The following TSHZ2 variants were observed in gnomAD, a reference collection of about 807,000 sequenced individuals.
The protein encoded by TSHZ2 is teashirt zinc finger homeobox 2.
Under a neutral mutation model 74.4 loss-of-function variants are expected in TSHZ2, and 21 were observed. That is an observed-to-expected ratio of 0.28 (90% CI 0.20 to 0.41). The LOEUF (loss-of-function observed/expected upper bound fraction) is 0.41. TSHZ2 is among the 10% of genes least tolerant of loss of function. The pLI, the probability that TSHZ2 is intolerant of heterozygous loss-of-function variation, is 1.00. For synonymous variants in TSHZ2, 540 were observed against 515.3 expected (o/e 1.05, Z -0.65); for missense variants, 1,244 against 1,293.5 (o/e 0.96, Z 0.59).
At chr20:53,350,416 T>C (rs943709978) in intron 2 of TSHZ2, among the ~76,000 whole-genome samples, 1 of 152,256 alleles carries the variant, frequency 6.6e-6, no homozygotes, top group Non-Finnish European at 1.5e-5. Flanking sequence ...CCTGTAGTTC[T>C]CTTCCTCAGT....
intron 1 of TSHZ2, chr20:53,208,694 C>T (rs899645307): frequency 1.3e-5 from 2 of 152,150 alleles, no homozygotes; most frequent in Admixed American, 1.3e-4. Context: ...ATTTTACAGT[C>T]GAGAAAATGA....
intron 2 of TSHZ2, among the ~76,000 whole-genome samples, chr20:53,393,260 T>C (rs1037371003): frequency 2.0e-5 from 3 of 152,236 alleles, no homozygotes; most frequent in Non-Finnish European, 4.4e-5. Flanking sequence ...GAACATGCAG[T>C]ATTTGGTTCC....
intron 1 of TSHZ2, among the ~76,000 whole-genome samples, chr20:53,096,927 CAAAAACA>C (rs572772850): frequency 0.017 from 2,327 of 134,848 alleles, 53 homozygotes; most frequent in African/African-American, 0.054. Flanking sequence ...AAAAACAAAA[CAAAAACA>C]AAAAACAAAA....
chr20:53,111,317 A>C (rs1245128285), intron 1 of TSHZ2, among the ~76,000 whole-genome samples: 1 of 152,218 alleles, frequency 6.6e-6, no homozygotes, highest in Non-Finnish European at 1.5e-5. Context: ...ACAATTCATC[A>C]CTGAGATTAT....
At chr20:53,372,761 G>A (rs1340056519) in intron 2 of TSHZ2, among the ~76,000 whole-genome samples, 1 of 152,046 alleles carries the variant, frequency 6.6e-6, no homozygotes, top group African/African-American at 2.4e-5. Context: ...AATGGTTTAG[G>A]GAGGAAAAAA....
At chr20:53,369,516 G>A (rs567427976) in intron 2 of TSHZ2, among the ~76,000 whole-genome samples, 1 of 152,172 alleles carries the variant, frequency 6.6e-6, no homozygotes, top group African/African-American at 2.4e-5. Flanking sequence ...AGACCAGCCG[G>A]GCCAGCATGG....
At position 53,255,108 on chromosome 20, in the gene TSHZ2, G is replaced by C; in HGVS notation, c.1650G>C (p.Leu550=). 3 of 1,614,160 alleles carry C rather than the reference G, an allele frequency of 1.9e-6. No individual in the cohort carries two copies. Among genetic ancestry groups the C allele is most frequent in the Admixed American group, 3.3e-5 (2 of 60,030 alleles). Residue 550 remains leucine, a synonymous_variant, in exon 2 of 3, where the codon CTG becomes CTC. Coordinates refer to ENST00000371497, the MANE Select transcript of TSHZ2 (RefSeq NM_173485.6). This position sits in a 1 kb window ranked among gnomAD's most constrained non-coding sequence, Gnocchi z 4.1. The stretch of plus-strand genomic sequence containing the variant: ...CCAGCATCCACGCAGCCTACCAGCT[G>C]TCTGAGGGCACCAAGCCGCCTTTGC... ...AYPSIHAAYQ[L]SEGTKPPLPM... is the part of the protein sequence containing the mutation.
At chr20:53,453,172 C>T (rs989239437) in intron 2 of TSHZ2, 7 of 152,182 alleles carry the variant, frequency 4.6e-5, no homozygotes, top group Non-Finnish European at 8.8e-5. Flanking sequence ...TGAATGAATT[C>T]GCCTTTGGTT....
At chr20:53,195,163 C>T (rs972412327) in intron 1 of TSHZ2, among the ~76,000 whole-genome samples, 3 of 152,134 alleles carry the variant, frequency 2.0e-5, no homozygotes, top group Non-Finnish European at 4.4e-5. Context: ...AGACATGGCA[C>T]ACCTGGTAGA....
intron 1 of TSHZ2, among the ~76,000 whole-genome samples, chr20:53,085,830 C>G (rs1168543939): frequency 6.6e-6 from 1 of 152,176 alleles, no homozygotes; most frequent in Admixed American, 6.5e-5. Context: ...CCTCAAATTC[C>G]CCCTGAAGTA....
intron 2 of TSHZ2, among the ~76,000 whole-genome samples, chr20:53,472,418 A>C (rs1476200096): frequency 6.6e-6 from 1 of 152,142 alleles, no homozygotes; most frequent in African/African-American, 2.4e-5. Flanking sequence ...GAGTCATATG[A>C]GTTCCATTTC....
intron 1 of TSHZ2, among the ~76,000 whole-genome samples, chr20:53,180,859 G>A (rs1988450977): frequency 6.6e-6 from 1 of 152,154 alleles, no homozygotes; most frequent in Non-Finnish European, 1.5e-5. Context: ...CAGACATGTG[G>A]CTCCTAGGAA....
intron 2 of TSHZ2, among the ~76,000 whole-genome samples, chr20:53,422,246 C>T (rs1371928517): frequency 6.6e-6 from 1 of 152,154 alleles, no homozygotes; most frequent in African/African-American, 2.4e-5. Flanking sequence ...TGCATGCTGA[C>T]CCTTCCCTTG....
chr20:53,183,187 C>T (rs1284303581), intron 1 of TSHZ2, among the ~76,000 whole-genome samples: 1 of 152,206 alleles, frequency 6.6e-6, no homozygotes, highest in Non-Finnish European at 1.5e-5. Context: ...CATTCCCACC[C>T]TGTGCTGATG....
intron 1 of TSHZ2, among the ~76,000 whole-genome samples, chr20:52,981,615 A>G (rs1981573218): frequency 6.6e-6 from 1 of 152,184 alleles, no homozygotes; most frequent in Non-Finnish European, 1.5e-5. Context: ...GAAACCAGAT[A>G]TGGATGGATT....
intron 1 of TSHZ2, among the ~76,000 whole-genome samples, chr20:53,042,085 A>G (rs1568732693): frequency 6.6e-6 from 1 of 152,214 alleles, no homozygotes; most frequent in African/African-American, 2.4e-5. Context: ...ACATTCTCTT[A>G]TATAAATGTG....
chr20:53,438,078 A>T (rs1304963972), intron 2 of TSHZ2, among the ~76,000 whole-genome samples: 1 of 151,124 alleles, frequency 6.6e-6, no homozygotes, highest in Non-Finnish European at 1.5e-5. Context: ...TCCTGGAAGG[A>T]TGTACTTGGG....
intron 2 of TSHZ2, among the ~76,000 whole-genome samples, chr20:53,355,033 A>G (rs1458069185): frequency 6.6e-6 from 1 of 152,214 alleles, no homozygotes; most frequent in East Asian, 1.9e-4. Flanking sequence ...GTTCAATAGA[A>G]TATGTATTCA....
Position 53,253,524 on chromosome 20 carries a change from A to C in TSHZ2, c.66A>C (p.Lys22Asn). Residue 22 changes from lysine to asparagine, a missense_variant, in exon 2 of 3, where the codon AAA (lysine) becomes AAC (asparagine). Around this residue, in one of 6 missense-constraint regions of TSHZ2, gnomAD observed 470 missense variants for 456.5 expected, o/e 1.03. Coordinates refer to ENST00000371497, the MANE Select transcript of TSHZ2 (RefSeq NM_173485.6). ...AAGYAQEEQLKEEEEIKEEEE... is the reference protein window; with the variant it reads ...AAGYAQEEQLNEEEEIKEEEE... The stretch of plus-strand genomic sequence containing the variant: ...GCTACGCCCAGGAGGAACAGCTGAA[A>C]GAAGAGGAGGAAATAAAAGAAGAGG... The C allele has an allele frequency of 6.2e-7, 1 of 1,611,774 alleles. No individual in the cohort carries two copies. Among genetic ancestry groups the C allele is most frequent in the South Asian group, 1.1e-5 (1 of 90,830 alleles).
Sources: allele counts gnomAD v4.1 joint callset (sites outside exome capture counted in the v4.1 genomes callset), GRCh38; gene constraint gnomAD v4.1.1; regional missense constraint gnomAD v4.1.1; non-coding constraint Gnocchi (gnomAD v3.1); transcripts MANE v1.5; gene names NCBI Gene and HGNC (gene_info 2026-07-23, HGNC 2026-07-21).